ATP10A: variants seen among roughly 807,000 people sequenced by gnomAD.
ATP10A encodes the protein ATPase phospholipid transporting 10A (putative).
A neutral mutation model predicts 147.8 loss-of-function variants in ATP10A; 111 were observed. The ratio of observed to expected loss-of-function variants is 0.75; its 90% CI spans 0.64 to 0.88. ATP10A has a LOEUF of 0.88. Ranked by LOEUF, ATP10A falls within the 40% of genes least tolerant of loss-of-function variation. The pLI, the probability that ATP10A is intolerant of heterozygous loss-of-function variation, is 0.00. For synonymous variants in ATP10A, 875 were observed against 841.6 expected, an observed-to-expected ratio of 1.04 and a Z score of -0.69; for missense variants, 1,927 against 1,959.0, an observed-to-expected ratio of 0.98 and a Z score of 0.31.
At chr15:25,745,052 G>A (rs887278404) in intron 2 of ATP10A, among the ~76,000 whole-genome samples, 5 of 152,200 alleles carry the variant, frequency 3.3e-5, no homozygotes, top group Admixed American at 6.5e-5. Flanking sequence ...GGGGCCGGGC[G>A]CGGTGGCTCA....
At chr15:25,711,142 C>T (rs1901391165) in intron 10 of ATP10A, among the ~76,000 whole-genome samples, 1 of 152,086 alleles carries the variant, frequency 6.6e-6, no homozygotes, top group Non-Finnish European at 1.5e-5. Context: ...CCACACCTGC[C>T]AGGGCAGGTG....
intron 6 of ATP10A, among the ~76,000 whole-genome samples, chr15:25,723,220 C>T (rs1902350828): frequency 1.3e-5 from 2 of 151,946 alleles, no homozygotes; most frequent in Non-Finnish European, 2.9e-5. Context: ...GTGTGGCATG[C>T]ACCTGTAATC....
At position 25,842,622 on chromosome 15, in the gene ATP10A, G is replaced by A. The variant is rs1411057228; in HGVS notation, c.449+20026C>T. 2.0e-5 allele frequency among the ~76,000 whole-genome samples: 3 copies of A among 152,106 alleles called. No individual in the cohort carries two copies. In the East Asian group the frequency reaches 5.8e-4, roughly 29 times the overall value. On this transcript the variant is annotated intron_variant, in intron 1 of 20. Coordinates refer to ENST00000555815, the MANE Select transcript of ATP10A (RefSeq NM_024490.4). Reference sequence around the variant, plus strand: ...AGGAGCCAAATGATTTTCATACTAGGATGAATAGAATGAATATGTCAACAG... The same window carrying A: ...AGGAGCCAAATGATTTTCATACTAGAATGAATAGAATGAATATGTCAACAG...
chr15:25,755,591 A>G (rs1888369319), intron 2 of ATP10A, among the ~76,000 whole-genome samples: 1 of 152,128 alleles, frequency 6.6e-6, no homozygotes, highest in Admixed American at 6.5e-5. Context: ...CAACCAGGAC[A>G]CTAGAAAAGG....
At chr15:25,794,875 C>A (rs1890596194) in intron 1 of ATP10A, among the ~76,000 whole-genome samples, 1 of 152,168 alleles carries the variant, frequency 6.6e-6, no homozygotes, top group Non-Finnish European at 1.5e-5. Context: ...TCAGTCTTGG[C>A]AGTGTCCCTG....
intron 1 of ATP10A, among the ~76,000 whole-genome samples, chr15:25,811,862 G>A (rs982610926): frequency 6.6e-6 from 1 of 152,158 alleles, no homozygotes; most frequent in African/African-American, 2.4e-5. Context: ...GCACCTGCAT[G>A]GACTGCTCTC....
At chr15:25,675,863 G>C (rs1899126534), downstream of ATP10A, among the ~76,000 whole-genome samples, 1 of 152,056 alleles carries the variant, frequency 6.6e-6, no homozygotes, top group Non-Finnish European at 1.5e-5. Flanking sequence ...GGAGGACCCT[G>C]TGGGCCCGGG....
chr15:25,783,479 C>A (rs951470985), intron 1 of ATP10A, among the ~76,000 whole-genome samples: 20 of 146,624 alleles, frequency 1.4e-4, no homozygotes, highest in African/African-American at 4.7e-4. Context: ...TTTGAGGGAC[C>A]CCCCCCTGGC....
chr15:25,752,493 T>C (rs1596816875), intron 2 of ATP10A, among the ~76,000 whole-genome samples: 1 of 151,728 alleles, frequency 6.6e-6, no homozygotes, highest in South Asian at 2.1e-4. Context: ...AGGCTGGGAG[T>C]TGGGAGAGAT....
At chr15:25,800,046 C>T (rs1254290894) in intron 1 of ATP10A, among the ~76,000 whole-genome samples, 1 of 152,192 alleles carries the variant, frequency 6.6e-6, no homozygotes, top group Non-Finnish European at 1.5e-5. Flanking sequence ...TGTCATTAGA[C>T]ACCAAACTCG....
At chr15:25,824,619 G>A (rs961081929) in intron 1 of ATP10A, among the ~76,000 whole-genome samples, 4 of 149,516 alleles carry the variant, frequency 2.7e-5, no homozygotes, top group Non-Finnish European at 5.9e-5. Context: ...TAGGAAGTCA[G>A]TGAAGATGGT....
intron 6 of ATP10A, among the ~76,000 whole-genome samples, chr15:25,722,206 A>G (rs7168065): frequency 0.99 from 149,986 of 152,248 alleles, 73,927 homozygotes; most frequent in East Asian, 1. Flanking sequence ...GCTTGAGAGA[A>G]GCTAGGACAG....
At chr15:25,711,845 C>T (rs2140382702) in intron 10 of ATP10A, among the ~76,000 whole-genome samples, 1 of 152,274 alleles carries the variant, frequency 6.6e-6, no homozygotes, top group East Asian at 1.9e-4. Flanking sequence ...GGCAGGGGCT[C>T]CCCTACCCCG....
At chr15:25,819,399 C>T (rs1891789994) in intron 1 of ATP10A, among the ~76,000 whole-genome samples, 1 of 152,100 alleles carries the variant, frequency 6.6e-6, no homozygotes, top group Non-Finnish European at 1.5e-5. Context: ...ACCAGAATGG[C>T]AATTATTAAA....
rs561635619 is a variant in ATP10A at position 25,780,132 on chromosome 15, C to G, written c.654+887G>C. Among the ~76,000 whole-genome samples the G allele has an allele frequency of 6.6e-5, 10 of 152,376 alleles. 1 individual carries two copies. The South Asian group carries it at 1.7e-3, about 25-fold the overall frequency. ...CAGTGCCCTCGCTGAGGTCCACAGACAGCAGAGCCCACTGCCCCAGGGAAG... is the reference window on the plus strand; with the variant it reads ...CAGTGCCCTCGCTGAGGTCCACAGAGAGCAGAGCCCACTGCCCCAGGGAAG... On this transcript the variant is annotated intron_variant, in intron 2 of 20. Transcript: ENST00000555815.
At chr15:25,712,575 C>T (rs1289650948) in intron 10 of ATP10A, among the ~76,000 whole-genome samples, 1 of 152,122 alleles carries the variant, frequency 6.6e-6, no homozygotes, top group Non-Finnish European at 1.5e-5. Flanking sequence ...CAGATAATTG[C>T]CCTATTTATG....
chr15:25,822,876 A>G (rs982803851), intron 1 of ATP10A, among the ~76,000 whole-genome samples: 1 of 152,220 alleles, frequency 6.6e-6, no homozygotes, highest in Non-Finnish European at 1.5e-5. Flanking sequence ...TAAAATAAAA[A>G]CAAGCTAGAT....
intron 13 of ATP10A, 77 bp downstream of exon 13, chr15:25,701,839 G>C (rs1439172079): frequency 7.3e-7 from 1 of 1,366,744 alleles, no homozygotes; most frequent in Non-Finnish European, 1.0e-6. Context: ...CCAGGAATGT[G>C]AGTGTCTGCC....
intron 1 of ATP10A, among the ~76,000 whole-genome samples, chr15:25,782,384 T>C (rs1347776767): frequency 6.6e-6 from 1 of 152,252 alleles, no homozygotes; most frequent in Non-Finnish European, 1.5e-5. Context: ...CACTGAATGG[T>C]ACACTTAAAA....
Sources: gnomAD v4.1 joint callset for allele counts (sites outside exome capture counted in the v4.1 genomes callset) on GRCh38, gnomAD v4.1.1 for gene constraint, MANE v1.5 for transcripts, NCBI Gene and HGNC (gene_info 2026-07-23, HGNC 2026-07-21) for gene names.